The following ZMYM2 variants were observed in gnomAD, a reference collection of about 807,000 sequenced individuals.
ZMYM2 encodes zinc finger MYM-type protein 2.
A neutral mutation model predicts 162.8 loss-of-function variants in ZMYM2; 56 were observed. The ratio of observed to expected loss-of-function variants is 0.34; its 90% confidence interval spans 0.28 to 0.43. The LOEUF (loss-of-function observed/expected upper bound fraction) is 0.43, where lower values mean the gene tolerates loss of function less well. Among genes scored for constraint, ZMYM2 ranks in the 20% least tolerant of loss-of-function variants. ZMYM2 has a pLI of 1.00. For missense variants in ZMYM2, 1,275 were observed against 1,621.8 expected, an observed-to-expected ratio of 0.79 and a Z score of 3.67; for synonymous variants, 510 against 541.6, an observed-to-expected ratio of 0.94 and a Z score of 0.81.
chr13:19,986,454 A>G (rs1949149707), intron 2 of ZMYM2, among the ~76,000 whole-genome samples: 1 of 152,216 alleles, frequency 6.6e-6, no homozygotes, highest in African/African-American at 2.4e-5. Context: ...TTCAGAAATT[A>G]AAATATAAAC....
At chr13:19,958,261 T>C (rs1232776712), upstream of ZMYM2, among the ~76,000 whole-genome samples, 3 of 152,086 alleles carry the variant, frequency 2.0e-5, no homozygotes, top group African/African-American at 7.2e-5. Context: ...CGTTGGGGCA[T>C]CGAGGCCGCG....
At chr13:19,909,456 G>C in the ZMYM2 span, among the ~76,000 whole-genome samples, 8 of 104,300 alleles carry the variant, frequency 7.7e-5, no homozygotes, top group Admixed American at 6.8e-4. Context: ...TTTGAGACAA[G>C]AGTTTCACTC....
upstream of ZMYM2, among the ~76,000 whole-genome samples, chr13:19,957,527 TC>T (rs2138962542): frequency 6.7e-6 from 1 of 149,918 alleles, no homozygotes; most frequent in Non-Finnish European, 1.5e-5. Context: ...AGAAGACCCC[TC>T]GTGGAGGTGG....
chr13:19,982,924 C>T (rs1200354256), intron 2 of ZMYM2, among the ~76,000 whole-genome samples: 1 of 151,764 alleles, frequency 6.6e-6, no homozygotes, highest in Admixed American at 6.6e-5. Flanking sequence ...GTAGGTTTGT[C>T]GTTTTTTTTA....
At chr13:19,907,940 T>C in the ZMYM2 span, among the ~76,000 whole-genome samples, 1 of 152,114 alleles carries the variant, frequency 6.6e-6, no homozygotes, top group African/African-American at 2.4e-5. Context: ...TCCCTCTCTT[T>C]CTTCACACTT....
the ZMYM2 span, among the ~76,000 whole-genome samples, chr13:19,900,122 G>A: frequency 6.6e-6 from 1 of 151,998 alleles, no homozygotes; most frequent in Non-Finnish European, 1.5e-5. Flanking sequence ...CCAACATGGC[G>A]AAACCCCATC....
intron 14 of ZMYM2, among the ~76,000 whole-genome samples, chr13:20,053,608 C>T (rs1045433446): frequency 4.6e-5 from 7 of 152,156 alleles, no homozygotes; most frequent in South Asian, 2.1e-4. Context: ...GCCAAGATCG[C>T]GCCACTGCAC....
At chr13:19,976,105 G>A (rs1956762725) in intron 2 of ZMYM2, among the ~76,000 whole-genome samples, 1 of 151,998 alleles carries the variant, frequency 6.6e-6, no homozygotes, top group African/African-American at 2.4e-5. Context: ...AGGCCGAAGC[G>A]GGCAGATCAC....
the ZMYM2 span, among the ~76,000 whole-genome samples, chr13:19,885,920 T>TATATGTGTATATACAC: frequency 2.3e-4 from 13 of 57,456 alleles, 1 homozygote; most frequent in African/African-American, 4.0e-4. Context: ...TATATACACA[T>TATATGTGTATATACAC]ATATATGTGT....
intron 2 of ZMYM2, among the ~76,000 whole-genome samples, chr13:19,983,151 T>TC (rs1419517590): frequency 6.6e-6 from 1 of 151,828 alleles, no homozygotes; most frequent in Non-Finnish European, 1.5e-5. Flanking sequence ...CTTTCACTTT[T>TC]TTTTTTTTTT....
chr13:20,068,598 A>G (rs1307600055), intron 21 of ZMYM2, among the ~76,000 whole-genome samples: 2 of 152,134 alleles, frequency 1.3e-5, no homozygotes, highest in East Asian at 3.8e-4. Context: ...TTGAAGATCC[A>G]TGTGTGTATT....
chr13:19,992,937 T>G (rs2139733141), intron 2 of ZMYM2, 126 bp from the exon 3 acceptor site: 1 of 1,078,406 alleles, frequency 9.3e-7, no homozygotes, highest in South Asian at 2.0e-5. Flanking sequence ...TTCCTGAATG[T>G]TAGACAAGAA....
intron 9 of ZMYM2, among the ~76,000 whole-genome samples, chr13:20,028,805 C>T (rs1450738413): frequency 1.3e-5 from 2 of 150,970 alleles, no homozygotes; most frequent in Admixed American, 6.6e-5. Context: ...CACATGCAAT[C>T]ATCTTTTTTT....
chr13:20,082,536 T>C (rs560171638), intron 22 of ZMYM2, among the ~76,000 whole-genome samples: 9 of 152,334 alleles, frequency 5.9e-5, no homozygotes, highest in South Asian at 2.1e-4. Flanking sequence ...TTCTGACCAC[T>C]GTTTGCTTGT....
At chr13:20,034,579 A>G (rs569524180) in intron 11 of ZMYM2, among the ~76,000 whole-genome samples, 175 bp downstream of exon 11, 4 of 152,156 alleles carry the variant, frequency 2.6e-5, no homozygotes, top group Non-Finnish European at 4.4e-5. Context: ...CTGGGCTTCA[A>G]GATGGTTTTA....
At position 19,993,766 on chromosome 13, in the gene ZMYM2, C is replaced by G. The variant is rs761543100; in HGVS notation, c.694C>G (p.Leu232Val). The change falls in exon 3 of 25, where the codon CTG (leucine) becomes GTG (valine). Residue 232 changes from leucine to valine, a missense_variant. Physicochemically the swap from Leu to Val is conservative, Grantham distance 32 (BLOSUM62 1). Transcript: ENST00000610343. ...NTNLGDVSNG[L>V]QSSNFGVNIQ... is the part of the protein sequence containing the mutation. Reference sequence around the variant, plus strand: ...CAACTTGGGAGATGTCTCTAACGGACTGCAGTCAAGTAATTTTGGTGTTAA... The same window carrying G: ...CAACTTGGGAGATGTCTCTAACGGAGTGCAGTCAAGTAATTTTGGTGTTAA... 2.8e-5 allele frequency: 45 copies of G among 1,614,032 alleles called. No individual in the cohort carries two copies. Among genetic ancestry groups the G allele is most frequent in the Non-Finnish European group, 3.6e-5 (42 of 1,180,028 alleles).
the ZMYM2 span, among the ~76,000 whole-genome samples, chr13:19,885,914 T>TATGTGTATAC: frequency 5.3e-5 from 2 of 37,876 alleles, no homozygotes; most frequent in African/African-American, 1.1e-4. Context: ...TATATGTATA[T>TATGTGTATAC]ACACATATAT....
intron 9 of ZMYM2, among the ~76,000 whole-genome samples, chr13:20,030,143 A>G (rs1413116415): frequency 6.6e-6 from 1 of 152,056 alleles, no homozygotes; most frequent in Admixed American, 6.5e-5. Context: ...AATTCCTCTT[A>G]TGAATACCAG....
chr13:20,000,849 G>GAC (rs1398019210), intron 3 of ZMYM2, among the ~76,000 whole-genome samples: 3 of 152,198 alleles, frequency 2.0e-5, no homozygotes, highest in Non-Finnish European at 4.4e-5. Context: ...GGCTATAACT[G>GAC]CCATAGATAG....
Sources: gnomAD v4.1 joint callset for allele counts (sites outside exome capture counted in the v4.1 genomes callset) on GRCh38, gnomAD v4.1.1 for gene constraint, MANE v1.5 for transcripts, NCBI Gene and HGNC (gene_info 2026-07-23, HGNC 2026-07-21) for gene names.